The following AJAP1 variants were observed in gnomAD, a reference collection of about 807,000 sequenced individuals.
The protein encoded by AJAP1 is adherens junction-associated protein 1.
A neutral mutation model predicts 35.0 loss-of-function variants in AJAP1; 5 were observed. The ratio of observed to expected loss-of-function variants is 0.14; its 90% CI spans 0.07 to 0.30. The LOEUF (loss-of-function observed/expected upper bound fraction) is 0.30, where lower values mean the gene tolerates loss of function less well. Ranked by LOEUF, AJAP1 falls within the 10% of genes least tolerant of loss-of-function variation. The pLI, the probability that AJAP1 is intolerant of heterozygous loss-of-function variation, is 1.00. For missense variants in AJAP1, 586 were observed against 571.0 expected (o/e 1.03, Z -0.27); for synonymous variants, 284 against 249.3 (o/e 1.14, Z -1.31).
At chr1:4,726,876 G>A (rs932108673) in intron 2 of AJAP1, among the ~76,000 whole-genome samples, 3 of 152,196 alleles carry the variant, frequency 2.0e-5, no homozygotes, top group Non-Finnish European at 4.4e-5. Flanking sequence ...AAATAGGACA[G>A]AAAACAGGCA....
At chr1:4,765,412 G>A (rs879371562) in intron 2 of AJAP1, among the ~76,000 whole-genome samples, 9 of 152,236 alleles carry the variant, frequency 5.9e-5, no homozygotes, top group Admixed American at 3.3e-4. Flanking sequence ...GTTCCTGCCC[G>A]AGGTAGCTAA....
chr1:4,670,505 A>G (rs146081462), intron 1 of AJAP1, among the ~76,000 whole-genome samples: 1 of 152,286 alleles, frequency 6.6e-6, no homozygotes, highest in Non-Finnish European at 1.5e-5. Context: ...CTTGTGACCC[A>G]CCCATGTACG....
At chr1:4,727,461 G>T (rs1479659868) in intron 2 of AJAP1, among the ~76,000 whole-genome samples, 1 of 152,220 alleles carries the variant, frequency 6.6e-6, no homozygotes, top group Non-Finnish European at 1.5e-5. Context: ...CTCCAGTTAT[G>T]CTGCGCTGAC....
chr1:4,700,988 A>G (rs966373792), intron 1 of AJAP1, among the ~76,000 whole-genome samples: 11 of 152,178 alleles, frequency 7.2e-5, no homozygotes, highest in Non-Finnish European at 1.3e-4. Context: ...GACTGAGAAC[A>G]CTGCCACCCA....
chr1:4,679,911 G>C (rs1639447810), intron 1 of AJAP1, among the ~76,000 whole-genome samples: 1 of 151,474 alleles, frequency 6.6e-6, no homozygotes, highest in African/African-American at 2.4e-5. Flanking sequence ...GAATCCCCAA[G>C]ATCTGCAGCC....
In AJAP1 at chr1:4,655,514, G is replaced by A. The variant is rs1638858687; in HGVS notation, c.29+60G>A. 1.7e-5 allele frequency: 26 copies of A among 1,541,978 alleles called. No individual in the cohort carries two copies. Among genetic ancestry groups the A allele is most frequent in the Non-Finnish European group, 2.2e-5 (25 of 1,139,518 alleles). On this transcript the variant is annotated intron_variant, in intron 1 of 5. Transcript: ENST00000378191. The surrounding 1 kb of genome is among the most constrained non-coding windows in gnomAD (Gnocchi z 6.9). ...CGCGTGGGTGCCAGGCTGGGCGGAA[G>A]CGGCGCTTTCCTCTATGTTGCAAAT...
Position 4,655,556 on chromosome 1 carries a change from G to A in AJAP1, c.29+102G>A. ...GTTGCAAATCAAGGGACCCCTCTTCGCTTCCCGCAAGCGGGCAACGGGGTG... is the reference window on the plus strand; with the variant it reads ...GTTGCAAATCAAGGGACCCCTCTTCACTTCCCGCAAGCGGGCAACGGGGTG... On this transcript the variant is annotated intron_variant, in intron 1 of 5. Coordinates refer to ENST00000378191, the MANE Select transcript of AJAP1 (RefSeq NM_018836.4). This position sits in a 1 kb window ranked among gnomAD's most constrained non-coding sequence, Gnocchi z 6.9. 2.8e-6 allele frequency: 4 copies of A among 1,418,244 alleles called. No individual in the cohort carries two copies. Among genetic ancestry groups the A allele is most frequent in the Non-Finnish European group, 9.5e-7 (1 of 1,048,454 alleles). The allele number at this position is 1,418,244 out of a possible 1,614,324, so 87.9% of individuals were successfully genotyped here.
Position 4,774,498 on chromosome 1 carries a change from G to A in AJAP1, c.1235G>A (p.Ter412=), listed in dbSNP as rs764871071. ...VSEKWFEISC[*] ...GAGAAATGGTTTGAAATCTCCTGCTGACTGGCCGAAGTCTTTTTTACCTCC... is the reference window on the plus strand; with the variant it reads ...GAGAAATGGTTTGAAATCTCCTGCTAACTGGCCGAAGTCTTTTTTACCTCC... Residue 412 remains the stop codon, a stop_retained_variant, in exon 5 of 6, where the codon TGA becomes TAA. Coordinates refer to ENST00000378191, the MANE Select transcript of AJAP1 (RefSeq NM_018836.4). The A allele has an allele frequency of 1.2e-6, 2 of 1,614,026 alleles. No homozygotes were observed. Among genetic ancestry groups the A allele is most frequent in the African/African-American group, 1.3e-5 (1 of 75,040 alleles).
intron 5 of AJAP1, among the ~76,000 whole-genome samples, chr1:4,774,867 T>C (rs1371680132): frequency 1.3e-5 from 2 of 152,144 alleles, no homozygotes; most frequent in African/African-American, 4.8e-5. Flanking sequence ...ATGCGTGGCC[T>C]ACGTGGCAGG....
intron 2 of AJAP1, among the ~76,000 whole-genome samples, chr1:4,715,792 C>T (rs779848571): frequency 5.3e-5 from 8 of 152,320 alleles, no homozygotes; most frequent in East Asian, 3.9e-4. Flanking sequence ...CATACTTATT[C>T]GTTGTTTTTA....
rs1642128495 is a variant in AJAP1, at chr1:4,784,483, G to C, written c.*1998G>C. 6.6e-6 allele frequency: 1 copy of C among 152,200 alleles called. No homozygotes were observed. The highest frequency in any genetic ancestry group is 2.1e-4 in the South Asian group (1 of 4,830). The allele number at this position is 152,200 out of a possible 1,614,324, so 9.4% of individuals were successfully genotyped here. A position where few individuals can be genotyped will look rare whatever the true frequency, so the allele number is the denominator to read the frequency against. ...GATCAGACAGACAGCTGACCTTACT[G>C]CCCTCAATGGCCAGGCTGATGACCT... On this transcript the variant is annotated 3_prime_UTR_variant, in exon 6 of 6. Coordinates refer to ENST00000378191, the MANE Select transcript of AJAP1 (RefSeq NM_018836.4).
At chr1:4,726,918 C>T (rs967502514) in intron 2 of AJAP1, among the ~76,000 whole-genome samples, 3 of 152,122 alleles carry the variant, frequency 2.0e-5, no homozygotes, top group Admixed American at 1.3e-4. Context: ...GAGGCTTGGC[C>T]CAGAGGGAAG....
intron 2 of AJAP1, among the ~76,000 whole-genome samples, chr1:4,758,656 C>A (rs1252094970): frequency 1.3e-5 from 2 of 152,164 alleles, no homozygotes; most frequent in Non-Finnish European, 2.9e-5. Flanking sequence ...ATGGGGCTTA[C>A]AATTCAAGAT....
chr1:4,718,301 C>T (rs1486709411), intron 2 of AJAP1, among the ~76,000 whole-genome samples: 4 of 152,150 alleles, frequency 2.6e-5, no homozygotes, highest in Admixed American at 6.5e-5. Flanking sequence ...CTTCTGGACA[C>T]GACTGTGTTG....
chr1:4,778,848 C>T (rs933786480), intron 5 of AJAP1, among the ~76,000 whole-genome samples: 2 of 152,250 alleles, frequency 1.3e-5, no homozygotes, highest in African/African-American at 2.4e-5. Context: ...CGGGTCTTAG[C>T]GACTGAGGAC....
In AJAP1 at chr1:4,717,657, C is replaced by T. The variant is rs182907278; in HGVS notation, c.829+4958C>T. On this transcript the variant is annotated intron_variant, in intron 2 of 5. Coordinates refer to ENST00000378191, the MANE Select transcript of AJAP1 (RefSeq NM_018836.4). Reference sequence around the variant, plus strand: ...TTCCATGTCCTTTAGGTATGTCCCTCGGTAAGCACAGGTGACAAGCTGGTG... The same window carrying T: ...TTCCATGTCCTTTAGGTATGTCCCTTGGTAAGCACAGGTGACAAGCTGGTG... 1.7e-3 allele frequency among the ~76,000 whole-genome samples: 257 copies of T among 152,272 alleles called. 1 individual carries two copies. The highest frequency in any genetic ancestry group is 5.4e-3 in the African/African-American group (226 of 41,556).
At chr1:4,779,399 G>A (rs1238878011) in intron 5 of AJAP1, among the ~76,000 whole-genome samples, 5 of 150,404 alleles carry the variant, frequency 3.3e-5, no homozygotes, top group Non-Finnish European at 7.4e-5. Flanking sequence ...GCAGTGGCTC[G>A]ATCTCAGCTC....
chr1:4,728,235 G>T (rs1450294397), intron 2 of AJAP1, among the ~76,000 whole-genome samples: 1 of 152,208 alleles, frequency 6.6e-6, no homozygotes, highest in Non-Finnish European at 1.5e-5. Context: ...GTCTGAGTCT[G>T]GAAGCCAATG....
Position 4,734,088 on chromosome 1 carries a change from C to T in AJAP1, c.829+21389C>T, listed in dbSNP as rs919228300. The stretch of plus-strand genomic sequence containing the variant: ...TGGCTCAGCCCAGGAAAAGCGAGAG[C>T]GATTTGCAAAAGGCCCCTTCAATCA... On this transcript the variant is annotated intron_variant, in intron 2 of 5. Transcript: ENST00000378191. The surrounding 1 kb of genome is among the most constrained non-coding windows in gnomAD (Gnocchi z 4.3). 1.3e-5 allele frequency among the ~76,000 whole-genome samples: 2 copies of T among 152,122 alleles called. No individual in the cohort carries two copies. The highest frequency in any genetic ancestry group is 2.4e-5 in the African/African-American group (1 of 41,416).
Sources: allele counts gnomAD v4.1 joint callset (sites outside exome capture counted in the v4.1 genomes callset), GRCh38; gene constraint gnomAD v4.1.1; non-coding constraint Gnocchi (gnomAD v3.1); transcripts MANE v1.5; gene names NCBI Gene and HGNC (gene_info 2026-07-23, HGNC 2026-07-21).